MYH6: variants seen among roughly 807,000 people sequenced by gnomAD.
The protein encoded by MYH6 is myosin-6.
Under a neutral mutation model 223.2 loss-of-function variants are expected in MYH6, and 126 were observed. The observed-to-expected ratio is 0.56, with a 90% CI of 0.49 to 0.65. The LOEUF (loss-of-function observed/expected upper bound fraction) is 0.65, where lower values mean the gene tolerates loss of function less well. Ranked by LOEUF, MYH6 falls within the 30% of genes least tolerant of loss-of-function variation. MYH6 has a pLI of 0.00. For synonymous variants in MYH6, 978 were observed against 1,010.2 expected (o/e 0.97, Z 0.61); for missense variants, 2,040 against 2,536.4 (o/e 0.80, Z 4.20).
At chr14:23,384,832 T>G in intron 35 of MYH6, 84 bp downstream of exon 35, 2 of 1,613,240 alleles carry the variant, frequency 1.2e-6, no homozygotes, top group South Asian at 1.1e-5. Context: ...CAGAGTTGGC[T>G]TGGTGTTACA....
rs768283362 is a variant in MYH6 at position 23,386,605 on chromosome 14, C to T, written c.4669G>A (p.Glu1557Lys). The part of the protein sequence containing the change: ...EEAEASLEHE[E>K]GKILRAQLEF... ...AGCTGGGCCCGGAGGATCTTGCCCT[C>T]CTCGTGCTCCAGGGAGGCCTGGGAA... Residue 1557 changes from glutamate to lysine, a missense_variant, in exon 33 of 39, where the codon GAG becomes AAG. Transcript: ENST00000405093. 7 of 1,610,994 alleles carry T rather than the reference C, an allele frequency of 4.3e-6. No individual in the cohort carries two copies. The Admixed American group carries it at 8.3e-5, about 19-fold the overall frequency.
intron 34 of MYH6, among the ~76,000 whole-genome samples, chr14:23,385,247 C>T (rs1566505002): frequency 6.6e-6 from 1 of 151,618 alleles, no homozygotes; most frequent in East Asian, 1.9e-4. Flanking sequence ...TTACTAAACT[C>T]TGAAAAAAGA....
At position 23,404,699 on chromosome 14, in the gene MYH6, C is replaced by T; in HGVS notation, c.642+12G>A. 1 of 1,612,120 alleles carries T rather than the reference C, an allele frequency of 6.2e-7. No homozygotes were observed. Among genetic ancestry groups the T allele is most frequent in the Non-Finnish European group, 8.5e-7 (1 of 1,178,230 alleles). Reference sequence around the variant, plus strand: ...AACCCCTGTTCTGCCGAGCCTGTGTCCCCCATGGCACCTTGTTCGCATTGG... The same window carrying T: ...AACCCCTGTTCTGCCGAGCCTGTGTTCCCCATGGCACCTTGTTCGCATTGG... On this transcript the variant is annotated intron_variant, in intron 7 of 38. Transcript: ENST00000405093.
At chr14:23,394,044 G>A (rs775550416) in intron 21 of MYH6, 24 bp downstream of exon 21, 1 of 1,614,018 alleles carries the variant, frequency 6.2e-7, no homozygotes, top group East Asian at 2.2e-5. Flanking sequence ...GGAGAGGGCT[G>A]AAGAGATAAT....
chr14:23,393,918 G>C lies in MYH6; in HGVS notation c.2686-10C>G. On this transcript the variant is annotated splice_polypyrimidine_tract_variant and intron_variant, in intron 21 of 38. Coordinates refer to ENST00000405093, the MANE Select transcript of MYH6 (RefSeq NM_002471.4). ...TGAGGTTGTCTTGTTCCTGGGAGAA[G>C]AGAACAGGGAGGAAGCTGATGGTTA... is the stretch of plus-strand genomic sequence containing the variant. 6.2e-7 allele frequency: 1 copy of C among 1,614,160 alleles called. No homozygotes were observed. Among genetic ancestry groups the C allele is most frequent in the Non-Finnish European group, 8.5e-7 (1 of 1,180,042 alleles).
rs1595055690 is a variant in MYH6, at chr14:23,392,905, C to T, written c.3251+7G>A. 1 of 1,613,332 alleles carries T rather than the reference C, an allele frequency of 6.2e-7. No homozygotes were observed. The highest frequency in any genetic ancestry group is 8.5e-7 in the Non-Finnish European group (1 of 1,180,038). Reference sequence around the variant, plus strand: ...ATTAGCCCCTCCTGGCCACCACAGTCTCCTACTTCTTAAGCTTTTCTTCCA... The same window carrying T: ...ATTAGCCCCTCCTGGCCACCACAGTTTCCTACTTCTTAAGCTTTTCTTCCA... On this transcript the variant is annotated splice_region_variant and intron_variant, in intron 24 of 38. Transcript: ENST00000405093.
chr14:23,392,952 G>C lies in MYH6; in HGVS notation c.3211C>G (p.Leu1071Val). 6.2e-7 allele frequency: 1 copy of C among 1,614,176 alleles called. No individual in the cohort carries two copies. The highest frequency in any genetic ancestry group is 8.5e-7 in the Non-Finnish European group (1 of 1,180,038). The change falls in exon 24 of 39, where the codon CTG (leucine) becomes GTG (valine). Residue 1071 changes from leucine (L) to valine (V), a missense_variant. This residue lies in a region of MYH6 where 1,203 missense variants were observed against 1,400.2 expected (regional missense o/e 0.86). Coordinates refer to ENST00000405093, the MANE Select transcript of MYH6 (RefSeq NM_002471.4). ...LKLTQESIMDLENDKLQLEEK... is the reference protein window; with the variant it reads ...LKLTQESIMDVENDKLQLEEK... ...TCCAGCTGCAGTTTATCATTTTCCA[G>C]GTCCATGATGCTCTCCTGGGTCAGC...
intron 12 of MYH6, 47 bp from the exon 13 acceptor site, chr14:23,401,024 T>A (rs1216696043): frequency 1.9e-6 from 3 of 1,583,094 alleles, no homozygotes. Context: ...TTTTTTTTTT[T>A]AAGATAGAGG....
intron 16 of MYH6, 112 bp from the exon 17 acceptor site, chr14:23,397,369 C>T: frequency 7.7e-7 from 1 of 1,304,672 alleles, no homozygotes; most frequent in East Asian, 2.3e-5. Flanking sequence ...CAGGGGCTGC[C>T]ACATAATTTG....
At chr14:23,382,624 C>T (rs970147741) in intron 37 of MYH6, 62 bp from the exon 38 acceptor site, 353 of 1,613,322 alleles carry the variant, frequency 2.2e-4, no homozygotes, top group Non-Finnish European at 2.7e-4. Context: ...TTCTCAGCCT[C>T]TCAACCTGAG....
At chr14:23,383,624 G>A (rs1890928677) in intron 36 of MYH6, among the ~76,000 whole-genome samples, 1 of 152,292 alleles carries the variant, frequency 6.6e-6, no homozygotes, top group East Asian at 1.9e-4. Context: ...GTCTGTTCCA[G>A]CTCCAGTATG....
In MYH6 at chr14:23,405,103, A is replaced by G. The variant is rs1244614745; in HGVS notation, c.527T>C (p.Ile176Thr). ...TGGGAGGATGGCACTCGCTCACGTG[A>G]TGAGGATGGACTGGTTCTCCCGATC... is the stretch of plus-strand genomic sequence containing the variant. ...LTDRENQSIL[I>T]TGESGAGKTV... The change falls in exon 6 of 39, where the codon ATC becomes ACC. Residue 176 changes from isoleucine (I) to threonine (T), a missense_variant. Ile to Thr is a moderately conservative substitution (Grantham distance 89). Around this residue, in one of 4 missense-constraint regions of MYH6, gnomAD observed 4 missense variants for 26.4 expected, o/e 0.15. Transcript: ENST00000405093. This position sits in a 1 kb window ranked among gnomAD's most constrained non-coding sequence, Gnocchi z 4.7. 1.2e-6 allele frequency: 2 copies of G among 1,613,988 alleles called. No individual in the cohort carries two copies.
intron 12 of MYH6, among the ~76,000 whole-genome samples, chr14:23,401,529 G>T (rs1336543193): frequency 6.6e-6 from 1 of 152,260 alleles, no homozygotes; most frequent in African/African-American, 2.4e-5. Flanking sequence ...TCTCAGCTCT[G>T]TCTCTACATC....
At chr14:23,396,017 A>T (rs1318042408) in intron 20 of MYH6, among the ~76,000 whole-genome samples, 3 of 152,022 alleles carry the variant, frequency 2.0e-5, no homozygotes, top group African/African-American at 7.2e-5. Context: ...TAAAATTTGT[A>T]GACCATCTGA....
At chr14:23,389,358 C>T (rs377118216) in intron 28 of MYH6, 35 bp downstream of exon 28, 9 of 1,606,904 alleles carry the variant, frequency 5.6e-6, no homozygotes, top group Non-Finnish European at 6.8e-6. Context: ...CCAGGGCTGC[C>T]ATCAAGCCTG....
rs749353076 is a variant in MYH6, at chr14:23,400,187, A to G, written c.1581+69T>C. ...TGGGACTCTAGTTTCTTGGGTGTAGAAGGGACTCAGCCACCACTTTGTCTG... is the reference window on the plus strand; with the variant it reads ...TGGGACTCTAGTTTCTTGGGTGTAGGAGGGACTCAGCCACCACTTTGTCTG... On this transcript the variant is annotated intron_variant, in intron 14 of 38. Coordinates refer to ENST00000405093, the MANE Select transcript of MYH6 (RefSeq NM_002471.4). 8.1e-6 allele frequency: 13 copies of G among 1,611,524 alleles called. No individual in the cohort carries two copies. The African/African-American group carries it at 1.7e-4, about 22-fold the overall frequency.
intron 25 of MYH6, among the ~76,000 whole-genome samples, chr14:23,392,218 T>G (rs77754267): frequency 6.6e-6 from 1 of 151,890 alleles, no homozygotes; most frequent in East Asian, 1.9e-4. Context: ...TTTTTTTTTT[T>G]TCACCCTGCG....
chr14:23,407,640 G>A lies in MYH6; in HGVS notation c.-46-32C>T. On this transcript the variant is annotated intron_variant, in intron 1 of 38. Transcript: ENST00000405093. The surrounding 1 kb of genome is among the most constrained non-coding windows in gnomAD (Gnocchi z 5.6). ...CGTGGGTGGAGCAAGGAACAACAGAGGTAGAGCCGGGCAGAGAGAAGAACA... is the reference window on the plus strand; with the variant it reads ...CGTGGGTGGAGCAAGGAACAACAGAAGTAGAGCCGGGCAGAGAGAAGAACA... 1 of 1,118,692 alleles carries A rather than the reference G, an allele frequency of 8.9e-7. No homozygotes were observed. Among genetic ancestry groups the A allele is most frequent in the Non-Finnish European group, 1.1e-6 (1 of 908,602 alleles). The allele number at this position is 1,118,692 out of a possible 1,614,324, so 69.3% of individuals were successfully genotyped here.
rs1566512311 is a variant in MYH6, at chr14:23,397,937, CT to C, written c.1892-325del. Among the ~76,000 whole-genome samples the C allele has an allele frequency of 4.7e-3, 285 of 60,102 alleles. 9 individuals carry two copies. Among genetic ancestry groups the C allele is most frequent in the African/African-American group, 8.0e-3 (123 of 15,350 alleles). The allele number at this position is 60,102 out of a possible 152,430, so 39.4% of individuals were successfully genotyped here. A position where few individuals can be genotyped will look rare whatever the true frequency, so the allele number is the denominator to read the frequency against. ...TCCTCCTCCTCCTCCTCCTCCTCTT[CT>C]TCTTCTTCTTCTTCTTCTTCTTCTT... is the stretch of plus-strand genomic sequence containing the variant. On this transcript the variant is annotated intron_variant, in intron 15 of 38. Coordinates refer to ENST00000405093, the MANE Select transcript of MYH6 (RefSeq NM_002471.4).
Sources: gnomAD v4.1 joint callset for allele counts (sites outside exome capture counted in the v4.1 genomes callset) on GRCh38, gnomAD v4.1.1 for gene constraint, gnomAD v4.1.1 regional missense constraint, Gnocchi (gnomAD v3.1) non-coding constraint, MANE v1.5 for transcripts, NCBI Gene and HGNC (gene_info 2026-07-23, HGNC 2026-07-21) for gene names.